The following CCDC102A variants were observed in gnomAD, a reference collection of about 807,000 sequenced individuals.
CCDC102A encodes coiled-coil domain containing 102A, also known as coiled-coil domain-containing protein 102A.
In CCDC102A, 40 loss-of-function variants were observed where a neutral mutation model predicts 55.5. That is an observed-to-expected ratio of 0.72 (90% CI 0.56 to 0.94). The LOEUF (loss-of-function observed/expected upper bound fraction) is 0.94, where lower values mean the gene tolerates loss of function less well. Ranked by LOEUF, CCDC102A falls within the 40% of genes least tolerant of loss-of-function variation. CCDC102A has a pLI of 0.00. For missense variants in CCDC102A, 779 were observed against 768.6 expected (o/e 1.01, Z -0.16); for synonymous variants, 323 against 339.0 (o/e 0.95, Z 0.52).
chr16:57,521,283 C>A, intron 3 of CCDC102A, 107 bp from the exon 4 acceptor site: 2 of 821,350 alleles, frequency 2.4e-6, no homozygotes, highest in Non-Finnish European at 4.1e-6. Context: ...AGCCCAAGTC[C>A]AAAATCCTTG....
intron 8 of CCDC102A, among the ~76,000 whole-genome samples, chr16:57,515,055 T>C (rs2031928967): frequency 6.6e-6 from 1 of 152,054 alleles, no homozygotes; most frequent in African/African-American, 2.4e-5. Context: ...GCCCCAAGCC[T>C]TGGGCCTGAC....
rs566868654 is a variant in CCDC102A at position 57,515,268 on chromosome 16, G to T, written c.1523+73C>A. 21 of 948,312 alleles carry T rather than the reference G, an allele frequency of 2.2e-5. 1 individual carries two copies. In the South Asian group the frequency reaches 2.9e-4, roughly 13 times the overall value. The allele number at this position is 948,312 out of a possible 1,614,324, so 58.7% of individuals were successfully genotyped here. ...CGTCTCCCCCTCCAGCCTTGGTTTG[G>T]GCTCCGTCCCTGACCGGAGGGTTCC... On this transcript the variant is annotated intron_variant, in intron 8 of 8. Coordinates refer to ENST00000258214, the MANE Select transcript of CCDC102A (RefSeq NM_033212.4).
chr16:57,536,124 G>A (rs2032378667), intron 1 of CCDC102A, among the ~76,000 whole-genome samples: 1 of 152,144 alleles, frequency 6.6e-6, no homozygotes, highest in Non-Finnish European at 1.5e-5. Flanking sequence ...GCTCTGATTG[G>A]CCAGCGCCGC....
chr16:57,516,272 C>G lies in CCDC102A; in HGVS notation c.1419+21G>C. ...CCCTGGCCAAGGTCTGTTGCTGCCC[C>G]TGCCCCTCTGTGGTCCTCACCTCGT... On this transcript the variant is annotated intron_variant, in intron 7 of 8. Coordinates refer to ENST00000258214, the MANE Select transcript of CCDC102A (RefSeq NM_033212.4). The surrounding 1 kb of genome is among the most constrained non-coding windows in gnomAD (Gnocchi z 4.4). 11 of 1,598,926 alleles carry G rather than the reference C, an allele frequency of 6.9e-6. No homozygotes were observed. The highest frequency in any genetic ancestry group is 8.5e-6 in the Non-Finnish European group (10 of 1,177,710).
At chr16:57,527,425 T>TG (rs2146710877) in intron 2 of CCDC102A, among the ~76,000 whole-genome samples, 1 of 151,780 alleles carries the variant, frequency 6.6e-6, no homozygotes, top group African/African-American at 2.4e-5. Flanking sequence ...CTGCTTTTTT[T>TG]TTTTTTTTTT....
intron 3 of CCDC102A, among the ~76,000 whole-genome samples, chr16:57,522,779 A>C (rs547483119): frequency 7.2e-5 from 11 of 152,294 alleles, no homozygotes; most frequent in African/African-American, 2.4e-4. Context: ...TATCGTCACT[A>C]TCATCCCATT....
At chr16:57,513,627 T>C (rs1248501914) in intron 8 of CCDC102A, among the ~76,000 whole-genome samples, 1 of 152,252 alleles carries the variant, frequency 6.6e-6, no homozygotes, top group Non-Finnish European at 1.5e-5. Flanking sequence ...AGGGCCTGCC[T>C]GCCCACTTCT....
At chr16:57,520,992 CT>C in intron 4 of CCDC102A, 75 bp downstream of exon 4, 1 of 877,134 alleles carries the variant, frequency 1.1e-6, no homozygotes, top group Non-Finnish European at 1.9e-6. Flanking sequence ...TGAATTCTCT[CT>C]TCCATCTCCA....
Position 57,529,260 on chromosome 16 carries a change from C to G in CCDC102A, c.-83G>C, listed in dbSNP as rs2032207441. ...GGGACGCGCGGCGGGCGCGATACAACTGTGCATGATGACGCCGTGCCCCGC... is the reference window on the plus strand; with the variant it reads ...GGGACGCGCGGCGGGCGCGATACAAGTGTGCATGATGACGCCGTGCCCCGC... On this transcript the variant is annotated 5_prime_UTR_variant, in exon 2 of 9. Transcript: ENST00000258214. The surrounding 1 kb of genome is among the most constrained non-coding windows in gnomAD (Gnocchi z 4.1). 8.9e-7 allele frequency: 1 copy of G among 1,121,036 alleles called. No individual in the cohort carries two copies. The highest frequency in any genetic ancestry group is 4.3e-5 in the South Asian group (1 of 23,084). The allele number at this position is 1,121,036 out of a possible 1,614,324, so 69.4% of individuals were successfully genotyped here. A position where few individuals can be genotyped will look rare whatever the true frequency, so the allele number is the denominator to read the frequency against.
At position 57,528,886 on chromosome 16, in the gene CCDC102A, A is replaced by G. The variant is rs1430995918; in HGVS notation, c.292T>C (p.Ser98Pro). The G allele has an allele frequency of 7.2e-7, 1 of 1,392,364 alleles. No homozygotes were observed. The allele number at this position is 1,392,364 out of a possible 1,614,324, so 86.3% of individuals were successfully genotyped here. Residue 98 changes from serine to proline, a missense_variant, in exon 2 of 9, where the codon TCG becomes CCG. Coordinates refer to ENST00000258214, the MANE Select transcript of CCDC102A (RefSeq NM_033212.4). ...AQMEKTMRRW[S>P]DCTANWREKW... is the part of the protein sequence containing the mutation. ...TCGCGCCAATTGGCAGTGCAGTCCG[A>G]CCACCGGCGCATGGTCTTCTCCATC... is the stretch of plus-strand genomic sequence containing the variant.
intron 3 of CCDC102A, among the ~76,000 whole-genome samples, chr16:57,522,344 T>C (rs1482152093): frequency 1.3e-5 from 2 of 151,978 alleles, no homozygotes; most frequent in Admixed American, 6.6e-5. Context: ...GCCCAGCTCA[T>C]ATTGTGGGGA....
chr16:57,533,973 A>G (rs2032324424), intron 1 of CCDC102A, among the ~76,000 whole-genome samples: 2 of 152,150 alleles, frequency 1.3e-5, no homozygotes, highest in Admixed American at 6.5e-5. Flanking sequence ...ACCGGCCACC[A>G]CAGGCCCCGG....
chr16:57,530,140 G>A (rs201985102), intron 1 of CCDC102A, among the ~76,000 whole-genome samples: 1 of 152,162 alleles, frequency 6.6e-6, no homozygotes, highest in East Asian at 1.9e-4. Context: ...GCTTCTGAGA[G>A]TGCAGCAGGA....
In CCDC102A at chr16:57,528,800, GCGCAGCTGGCGC is replaced by G; in HGVS notation, c.366_377del (p.Arg123_Arg126del). 8.2e-7 allele frequency: 1 copy of G among 1,221,792 alleles called. No individual in the cohort carries two copies. Among genetic ancestry groups the G allele is most frequent in the Non-Finnish European group, 1.0e-6 (1 of 972,104 alleles). 75.7% of individuals were successfully genotyped at this position (1,221,792 alleles called of 1,614,324 possible). On this transcript the variant is annotated inframe_deletion, in exon 2 of 9. Transcript: ENST00000258214. ...CCTTGGTGAGCGCGTCCAGGCGCTG[GCGCAGCTGGCGC>G]ACCTCCTCGCGCGCGCGGTTGCGCT... is the stretch of plus-strand genomic sequence containing the variant.
At chr16:57,528,470 TG>T in intron 2 of CCDC102A, 122 bp downstream of exon 2, 1 of 681,776 alleles carries the variant, frequency 1.5e-6, no homozygotes, top group Non-Finnish European at 1.9e-6. Flanking sequence ...GAACCCGACC[TG>T]GAGAAGTGAA....
rs779628311 is a variant in CCDC102A, at chr16:57,529,328, C to A, written c.-147-4G>T. ...GGCGGAGGACGCCTCCTCGGACCTA[C>A]GGGAGAACACAACCGTTATTGGACT... On this transcript the variant is annotated splice_polypyrimidine_tract_variant and splice_region_variant and intron_variant, in intron 1 of 8. Coordinates refer to ENST00000258214, the MANE Select transcript of CCDC102A (RefSeq NM_033212.4). The surrounding 1 kb of genome is among the most constrained non-coding windows in gnomAD (Gnocchi z 4.1). 6.7e-5 allele frequency: 71 copies of A among 1,066,052 alleles called. No homozygotes were observed. Among genetic ancestry groups the A allele is most frequent in the Non-Finnish European group, 7.9e-5 (69 of 868,164 alleles). 66.0% of individuals were successfully genotyped at this position (1,066,052 alleles called of 1,614,324 possible).
At chr16:57,536,829 G>C (rs536939596), upstream of CCDC102A, among the ~76,000 whole-genome samples, 4 of 151,998 alleles carry the variant, frequency 2.6e-5, no homozygotes, top group Non-Finnish European at 5.9e-5. Flanking sequence ...CGAGAGTTGC[G>C]GGGGGGCTCG....
At position 57,533,754 on chromosome 16, in the gene CCDC102A, A is replaced by G. The variant is rs567474749; in HGVS notation, c.-148+2746T>C. ...CTCACACGCAGCCCCAGTAACGTGCACACTCACACACAGCCCTGGTAACGC... is the reference window on the plus strand; with the variant it reads ...CTCACACGCAGCCCCAGTAACGTGCGCACTCACACACAGCCCTGGTAACGC... On this transcript the variant is annotated intron_variant, in intron 1 of 8. Transcript: ENST00000258214. 3.4e-4 allele frequency among the ~76,000 whole-genome samples: 51 copies of G among 151,734 alleles called. 1 individual carries two copies. Among genetic ancestry groups the G allele is most frequent in the East Asian group, 3.9e-4 (2 of 5,152 alleles).
intron 4 of CCDC102A, among the ~76,000 whole-genome samples, chr16:57,519,678 C>T (rs1441553443): frequency 6.6e-6 from 1 of 152,240 alleles, no homozygotes; most frequent in Non-Finnish European, 1.5e-5. Context: ...ATTTGTGTTT[C>T]ATTCGCTTTT....
Sources: gnomAD v4.1 joint callset for allele counts (sites outside exome capture counted in the v4.1 genomes callset) on GRCh38, gnomAD v4.1.1 for gene constraint, Gnocchi (gnomAD v3.1) non-coding constraint, MANE v1.5 for transcripts, NCBI Gene and HGNC (gene_info 2026-07-23, HGNC 2026-07-21) for gene names.